GAPVD1: variants seen among roughly 807,000 people sequenced by gnomAD.
GAPVD1 encodes the protein GTPase activating protein and VPS9 domains 1, also known as GTPase-activating protein and VPS9 domain-containing protein 1.
Under a neutral mutation model 155.5 loss-of-function variants are expected in GAPVD1, and 35 were observed. That is an observed-to-expected ratio of 0.23 (90% CI 0.17 to 0.30). GAPVD1 has a LOEUF of 0.30. Among genes scored for constraint, GAPVD1 ranks in the 10% least tolerant of loss-of-function variants. The pLI, the probability that GAPVD1 is intolerant of heterozygous loss-of-function variation, is 1.00. For missense variants in GAPVD1, 1,429 were observed against 1,775.7 expected, an observed-to-expected ratio of 0.80 and a Z score of 3.51; for synonymous variants, 636 against 619.7, an observed-to-expected ratio of 1.03 and a Z score of -0.39.
At chr9:125,269,433 T>C (rs892718418) in intron 2 of GAPVD1, among the ~76,000 whole-genome samples, 3 of 152,136 alleles carry the variant, frequency 2.0e-5, no homozygotes, top group African/African-American at 7.2e-5. Flanking sequence ...TGTGCTTGCA[T>C]AGAATTATTT....
chr9:125,277,259 T>C (rs1835935910), intron 2 of GAPVD1, among the ~76,000 whole-genome samples: 1 of 152,212 alleles, frequency 6.6e-6, no homozygotes, highest in Admixed American at 6.6e-5. Context: ...GACAATGTCC[T>C]TACTTCAGGG....
intron 15 of GAPVD1, 156 bp from the exon 16 acceptor site, chr9:125,336,861 GA>G (rs1220107202): frequency 1.7e-6 from 1 of 588,972 alleles, no homozygotes; most frequent in African/African-American, 1.9e-5. Flanking sequence ...AAATGAATTG[GA>G]AGTAATCATA....
Position 125,346,887 on chromosome 9 carries a change from G to A in GAPVD1, c.3115G>A (p.Ala1039Thr). Reference protein sequence around the residue: ...AEDILDKYRNAIKRTSPSDGA... With the variant: ...AEDILDKYRNTIKRTSPSDGA... ...GGATATTCTGGACAAATACAGGAAT[G>A]CCATTAAACGGACCAGCCCCAGTGA... The change falls in exon 20 of 28, where the codon GCC (alanine) becomes ACC (threonine). Residue 1039 changes from alanine (A) to threonine (T), a missense_variant. Ala to Thr is a moderately conservative substitution (Grantham distance 58, BLOSUM62 0). Coordinates refer to ENST00000297933, the MANE Select transcript of GAPVD1 (RefSeq NM_001282680.3). 6.2e-7 allele frequency: 1 copy of A among 1,613,306 alleles called. No homozygotes were observed. Among genetic ancestry groups the A allele is most frequent in the South Asian group, 1.1e-5 (1 of 91,058 alleles).
At chr9:125,285,329 C>G (rs938811304) in intron 2 of GAPVD1, among the ~76,000 whole-genome samples, 15 of 152,122 alleles carry the variant, frequency 9.9e-5, no homozygotes, top group African/African-American at 3.6e-4. Context: ...CAGTGTGCTT[C>G]ACTCTTGCCA....
rs1250536058 is a variant in GAPVD1, at chr9:125,355,746, C to G, written c.3860C>G (p.Ala1287Gly). The G allele has an allele frequency of 6.2e-7, 1 of 1,612,712 alleles. No homozygotes were observed. The highest frequency in any genetic ancestry group is 8.5e-7 in the Non-Finnish European group (1 of 1,178,764). Residue 1287 changes from alanine (A) to glycine (G), a missense_variant, in exon 25 of 28, where the codon GCG becomes GGG. Physicochemically the swap from Ala to Gly is moderately conservative, Grantham distance 60 (BLOSUM62 0). Transcript: ENST00000297933. ...GCCCAGGATGTCATATGGCAAAACG[C>G]GAGTGAAGAACAGCTTCAAGATGCA... ...AMAQDVIWQN[A>G]SEEQLQDAQL...
rs373876528 is a variant in GAPVD1, at chr9:125,321,904, C to G, written c.1732+342C>G. Among the ~76,000 whole-genome samples, 18 of 152,242 alleles carry G rather than the reference C, an allele frequency of 1.2e-4. 1 individual carries two copies. The South Asian group carries it at 3.1e-3, about 26-fold the overall frequency. ...GCATGTCGAAACGGGAAAAAATGGACTTACTAGTATTTCAATATGTTGCAC... is the reference window on the plus strand; with the variant it reads ...GCATGTCGAAACGGGAAAAAATGGAGTTACTAGTATTTCAATATGTTGCAC... On this transcript the variant is annotated intron_variant, in intron 10 of 27. Coordinates refer to ENST00000297933, the MANE Select transcript of GAPVD1 (RefSeq NM_001282680.3).
At chr9:125,268,155 ACT>A (rs970047637) in intron 1 of GAPVD1, among the ~76,000 whole-genome samples, 1 of 148,808 alleles carries the variant, frequency 6.7e-6, no homozygotes, top group Admixed American at 6.8e-5. Context: ...CAAGAACAAA[ACT>A]CTGTCTCAAA....
At chr9:125,295,729 G>A (rs924293860) in intron 3 of GAPVD1, among the ~76,000 whole-genome samples, 155 bp downstream of exon 3, 34 of 152,130 alleles carry the variant, frequency 2.2e-4, no homozygotes, top group African/African-American at 3.6e-4. Flanking sequence ...ACCATGCCCA[G>A]CCTCATGTGT....
chr9:125,303,326 A>C (rs1841228117), intron 5 of GAPVD1, among the ~76,000 whole-genome samples: 1 of 147,790 alleles, frequency 6.8e-6, no homozygotes, highest in South Asian at 2.5e-4. Flanking sequence ...GCCTTGGGTG[A>C]TTGTTAAAAA....
In GAPVD1 at chr9:125,312,590, C is replaced by G; in HGVS notation, c.1580C>G (p.Pro527Arg). Residue 527 changes from proline (P) to arginine (R), a missense_variant, in exon 9 of 28, where the codon CCA becomes CGA. Pro to Arg is a moderately radical substitution (Grantham distance 103, BLOSUM62 -2). Around this residue, in one of 4 missense-constraint regions of GAPVD1, gnomAD observed 628 missense variants for 733.4 expected, o/e 0.86. Coordinates refer to ENST00000297933, the MANE Select transcript of GAPVD1 (RefSeq NM_001282680.3). ...TTAGGTACAGGTCCCCAGCTTACTC[C>G]AGGGATGATGTCAGAAAATGAGGTA... ...ISLGTGPQLT[P>R]GMMSENEVLN... 1.9e-6 allele frequency: 3 copies of G among 1,589,362 alleles called. No homozygotes were observed. Among genetic ancestry groups the G allele is most frequent in the Non-Finnish European group, 2.6e-6 (3 of 1,173,060 alleles).
intron 2 of GAPVD1, among the ~76,000 whole-genome samples, chr9:125,282,056 G>A (rs545097097): frequency 1.3e-5 from 2 of 152,248 alleles, no homozygotes; most frequent in South Asian, 2.1e-4. Context: ...CAAGGTGGGC[G>A]GATCACAAGA....
chr9:125,292,994 G>C (rs1378810519), intron 2 of GAPVD1, among the ~76,000 whole-genome samples: 1 of 152,154 alleles, frequency 6.6e-6, no homozygotes, highest in Non-Finnish European at 1.5e-5. Context: ...GTGTAGGGTA[G>C]GTTGGAGAGA....
chr9:125,266,279 A>C (rs976498485), intron 1 of GAPVD1, among the ~76,000 whole-genome samples: 1 of 151,158 alleles, frequency 6.6e-6, no homozygotes, highest in African/African-American at 2.4e-5. Flanking sequence ...GGCATGCACC[A>C]CTATGCCCGG....
At chr9:125,343,078 A>G (rs746802801) in intron 19 of GAPVD1, among the ~76,000 whole-genome samples, 17 of 152,324 alleles carry the variant, frequency 1.1e-4, no homozygotes, top group Non-Finnish European at 1.3e-4. Context: ...ATCTTGAGCA[A>G]GTTTGTTCAA....
At chr9:125,339,041 G>A (rs1847463526) in intron 17 of GAPVD1, among the ~76,000 whole-genome samples, 1 of 151,894 alleles carries the variant, frequency 6.6e-6, no homozygotes, top group Non-Finnish European at 1.5e-5. Flanking sequence ...GAGTGCAGTG[G>A]TGCCAACACT....
chr9:125,335,156 G>A, intron 15 of GAPVD1: 1 of 752,348 alleles, frequency 1.3e-6, no homozygotes, highest in Non-Finnish European at 2.4e-6. Flanking sequence ...CCAACTACAT[G>A]TCCGTGTGAG....
chr9:125,353,123 AT>A, intron 23 of GAPVD1, among the ~76,000 whole-genome samples: 1 of 152,136 alleles, frequency 6.6e-6, no homozygotes, highest in African/African-American at 2.4e-5. Context: ...AAAAAAAAAA[AT>A]GAATACCTTT....
intron 4 of GAPVD1, among the ~76,000 whole-genome samples, chr9:125,301,113 A>G (rs1266337869): frequency 6.6e-6 from 1 of 151,472 alleles, no homozygotes; most frequent in Non-Finnish European, 1.5e-5. Flanking sequence ...TGTGTCGCCC[A>G]GGCTGAAATG....
At chr9:125,333,467 T>G (rs1846383622) in intron 15 of GAPVD1, among the ~76,000 whole-genome samples, 1 of 151,344 alleles carries the variant, frequency 6.6e-6, no homozygotes, top group Admixed American at 6.6e-5. Flanking sequence ...GGGTGTTAGG[T>G]TTTGAGGTAC....
Sources: allele counts gnomAD v4.1 joint callset (sites outside exome capture counted in the v4.1 genomes callset), GRCh38; gene constraint gnomAD v4.1.1; regional missense constraint gnomAD v4.1.1; transcripts MANE v1.5; gene names NCBI Gene and HGNC (gene_info 2026-07-23, HGNC 2026-07-21).